Variants in FBXL20 observed in about 807,000 individuals in gnomAD.
FBXL20 encodes the protein F-box/LRR-repeat protein 20.
In FBXL20, 11 loss-of-function variants were observed where a neutral mutation model predicts 64.0. The ratio of observed to expected loss-of-function variants is 0.17; its 90% CI spans 0.11 to 0.28. The LOEUF (loss-of-function observed/expected upper bound fraction) is 0.28, where lower values mean the gene tolerates loss of function less well. FBXL20 is among the 10% of genes least tolerant of loss of function. The pLI, the probability that FBXL20 is intolerant of heterozygous loss-of-function variation, is 1.00. For missense variants in FBXL20, 303 were observed against 526.2 expected, an observed-to-expected ratio of 0.58 and a Z score of 4.15; for synonymous variants, 184 against 189.0, an observed-to-expected ratio of 0.97 and a Z score of 0.22.
intron 1 of FBXL20, among the ~76,000 whole-genome samples, chr17:39,385,322 A>AACACACAC (rs3078787): frequency 1.8e-4 from 27 of 151,198 alleles, no homozygotes; most frequent in African/African-American, 2.2e-4. Flanking sequence ...GTCTCTAGAA[A>AACACACAC]ACACACACAC....
intron 1 of FBXL20, among the ~76,000 whole-genome samples, chr17:39,363,832 AAC>A (rs2047827438): frequency 1.4e-5 from 2 of 145,098 alleles, no homozygotes; most frequent in African/African-American, 5.2e-5. Context: ...AAAAACAAAA[AAC>A]AAAAAAAAAA....
intron 1 of FBXL20, among the ~76,000 whole-genome samples, chr17:39,382,165 T>A (rs965712221): frequency 6.8e-6 from 1 of 148,034 alleles, no homozygotes; most frequent in African/African-American, 2.5e-5. Flanking sequence ...AATAGATGGC[T>A]TGGCGCGGTG....
Position 39,275,047 on chromosome 17 carries a change from T to C in FBXL20, c.750A>G (p.Gln250=). ...TGGAGCAGCCAGAGGCACAAAGGGA[T>C]TGTAACTTATGGCACCCTCTGCATA... The part of the protein sequence containing the change: ...ITICRGCHKL[Q]SLCASGCSNI... Residue 250 remains glutamine, a synonymous_variant, in exon 10 of 15, where the codon CAA becomes CAG. Transcript: ENST00000264658. The C allele has an allele frequency of 1.2e-6, 2 of 1,614,078 alleles. No individual in the cohort carries two copies. The highest frequency in any genetic ancestry group is 8.5e-7 in the Non-Finnish European group (1 of 1,180,004).
At chr17:39,365,024 G>A (rs2047845472) in intron 1 of FBXL20, among the ~76,000 whole-genome samples, 1 of 151,962 alleles carries the variant, frequency 6.6e-6, no homozygotes, top group Non-Finnish European at 1.5e-5. Flanking sequence ...CATAGATTAA[G>A]AAATTTAAAA....
chr17:39,330,262 G>A (rs982036265), intron 2 of FBXL20, among the ~76,000 whole-genome samples: 10 of 150,236 alleles, frequency 6.7e-5, no homozygotes, highest in African/African-American at 1.7e-4. Context: ...GTGCCATTGC[G>A]CTCCAGCCTG....
intron 6 of FBXL20, 45 bp from the exon 7 acceptor site, chr17:39,285,618 T>C (rs925350648): frequency 3.9e-6 from 5 of 1,284,154 alleles, no homozygotes; most frequent in Non-Finnish European, 5.5e-6. Flanking sequence ...ACAAGACAAG[T>C]ACACATCCTT....
At chr17:39,283,365 G>A (rs1026268996) in intron 7 of FBXL20, among the ~76,000 whole-genome samples, 2 of 152,142 alleles carry the variant, frequency 1.3e-5, no homozygotes, top group African/African-American at 4.8e-5. Flanking sequence ...AAGTGCCCCA[G>A]TGAGCAGTTC....
chr17:39,276,221 GAAAAAAAAAAA>G (rs1215336803), intron 9 of FBXL20, among the ~76,000 whole-genome samples: 1 of 60,570 alleles, frequency 1.7e-5, no homozygotes, highest in Non-Finnish European at 3.1e-5. Flanking sequence ...AGCAAGAAAA[GAAAAAAAAAAA>G]AAAAAAAAAA....
At chr17:39,383,496 C>A (rs936260898) in intron 1 of FBXL20, among the ~76,000 whole-genome samples, 11 of 151,686 alleles carry the variant, frequency 7.3e-5, no homozygotes, top group Non-Finnish European at 1.3e-4. Context: ...ATCACCAAGT[C>A]TGTAACTGTC....
chr17:39,257,830 G>A lies in FBXL20; in HGVS notation c.*3630C>T, dbSNP rs1335615645. The A allele has an allele frequency of 1.3e-5, 2 of 152,844 alleles. No individual in the cohort carries two copies. The highest frequency in any genetic ancestry group is 2.9e-5 in the Non-Finnish European group (2 of 68,068). The allele number at this position is 152,844 out of a possible 1,614,324, so 9.5% of individuals were successfully genotyped here. ...GTGAGATGGAGGCTTTAAATAGAGGGAAAGGATGGGTGTGGGAAGGAAATG... is the reference window on the plus strand; with the variant it reads ...GTGAGATGGAGGCTTTAAATAGAGGAAAAGGATGGGTGTGGGAAGGAAATG... On this transcript the variant is annotated 3_prime_UTR_variant, in exon 15 of 15. Transcript: ENST00000264658.
intron 2 of FBXL20, 29 bp downstream of exon 2, chr17:39,343,151 A>G: frequency 6.5e-7 from 1 of 1,549,354 alleles, no homozygotes; most frequent in Non-Finnish European, 8.7e-7. Context: ...ACACATAAAA[A>G]AACCCATAAA....
upstream of FBXL20, chr17:39,401,660 C>G: frequency 7.5e-7 from 1 of 1,337,762 alleles, no homozygotes; most frequent in Non-Finnish European, 9.5e-7. Context: ...CAAAAACACT[C>G]CCCACCTGCC....
chr17:39,271,396 G>C (rs1004080087), intron 10 of FBXL20, among the ~76,000 whole-genome samples: 1 of 151,282 alleles, frequency 6.6e-6, no homozygotes, highest in Non-Finnish European at 1.5e-5. Flanking sequence ...TCAGGAGTTC[G>C]AGACCAGCCT....
intron 2 of FBXL20, among the ~76,000 whole-genome samples, chr17:39,331,477 A>C (rs889024408): frequency 1.3e-5 from 2 of 152,068 alleles, no homozygotes; most frequent in Admixed American, 6.6e-5. Flanking sequence ...CTGGGGAAGC[A>C]TTTTCTGAAC....
intron 1 of FBXL20, among the ~76,000 whole-genome samples, chr17:39,372,243 A>C (rs574795543): frequency 6.6e-6 from 1 of 152,168 alleles, no homozygotes; most frequent in African/African-American, 2.4e-5. Context: ...AAAAAAGGCC[A>C]GGCACGGTGG....
chr17:39,299,210 A>C, intron 4 of FBXL20, 126 bp from the exon 5 acceptor site: 1 of 654,292 alleles, frequency 1.5e-6, no homozygotes, highest in Non-Finnish European at 2.6e-6. Context: ...TTTAATAGGA[A>C]AATTGTAACT....
At chr17:39,293,834 T>TA (rs1373598694) in intron 6 of FBXL20, among the ~76,000 whole-genome samples, 1 of 151,966 alleles carries the variant, frequency 6.6e-6, no homozygotes, top group African/African-American at 2.4e-5. Flanking sequence ...GCCTTTATTT[T>TA]TTTTTTTTAG....
At chr17:39,299,638 G>A (rs201135209) in intron 4 of FBXL20, among the ~76,000 whole-genome samples, 2 of 152,130 alleles carry the variant, frequency 1.3e-5, no homozygotes, top group South Asian at 2.1e-4. Context: ...AAAACTAGCC[G>A]GGCGTGATGG....
chr17:39,373,537 C>CA (rs531324441), intron 1 of FBXL20, among the ~76,000 whole-genome samples: 40 of 152,300 alleles, frequency 2.6e-4, no homozygotes, highest in Non-Finnish European at 3.8e-4. Context: ...CTCCAGCTGC[C>CA]ACTCCTGTTT....
Sources: gnomAD v4.1 joint callset for allele counts (sites outside exome capture counted in the v4.1 genomes callset) on GRCh38, gnomAD v4.1.1 for gene constraint, MANE v1.5 for transcripts, NCBI Gene and HGNC (gene_info 2026-07-23, HGNC 2026-07-21) for gene names.